The following PACS2 variants were observed in gnomAD, a reference collection of about 807,000 sequenced individuals.
The protein encoded by PACS2 is PACS1-like protein.
Under a neutral mutation model 113.0 loss-of-function variants are expected in PACS2, and 36 were observed. That is an observed-to-expected ratio of 0.32 (90% CI 0.24 to 0.42). The LOEUF (loss-of-function observed/expected upper bound fraction) is 0.42. Among genes scored for constraint, PACS2 ranks in the 10% least tolerant of loss-of-function variants. The pLI, the probability that PACS2 is intolerant of heterozygous loss-of-function variation, is 1.00. For missense variants in PACS2, 1,015 were observed against 1,239.5 expected (o/e 0.82, Z 2.72); for synonymous variants, 589 against 536.1 (o/e 1.10, Z -1.36).
intron 24 of PACS2, chr14:105,393,559 C>A: frequency 2.2e-6 from 1 of 460,776 alleles, no homozygotes; most frequent in Non-Finnish European, 3.8e-6. Context: ...AAAATAATGA[C>A]TTGTTTCGTT....
chr14:105,365,958 T>G lies in PACS2; in HGVS notation c.424-1255T>G, dbSNP rs1273512810. On this transcript the variant is annotated intron_variant, in intron 4 of 24. Coordinates refer to ENST00000447393, the MANE Select transcript of PACS2 (RefSeq NM_001100913.3). This position sits in a 1 kb window ranked among gnomAD's most constrained non-coding sequence, Gnocchi z 5.1. Reference sequence around the variant, plus strand: ...AAGCTGCCAGCTGCCCTTCGTCATTTTCTGAAATGAAGATGAGGGCAAATG... The same window carrying G: ...AAGCTGCCAGCTGCCCTTCGTCATTGTCTGAAATGAAGATGAGGGCAAATG... 2.0e-5 allele frequency among the ~76,000 whole-genome samples: 3 copies of G among 152,230 alleles called. No individual in the cohort carries two copies. Among genetic ancestry groups the G allele is most frequent in the African/African-American group, 4.8e-5 (2 of 41,450 alleles).
chr14:105,313,892 C>A (rs1319628745), upstream of PACS2, among the ~76,000 whole-genome samples: 1 of 152,254 alleles, frequency 6.6e-6, no homozygotes, highest in Non-Finnish European at 1.5e-5. Flanking sequence ...CGGGCCCCAG[C>A]GGCTCTAGCC....
At chr14:105,328,563 A>T (rs1038021730) in intron 1 of PACS2, among the ~76,000 whole-genome samples, 1 of 152,186 alleles carries the variant, frequency 6.6e-6, no homozygotes, top group African/African-American at 2.4e-5. Flanking sequence ...CCATCCTTGA[A>T]GCTGGAATAT....
At position 105,364,320 on chromosome 14, in the gene PACS2, CGGTGGGCGGCGGCCCGGGGGTGT is replaced by C. The variant is rs1221343129; in HGVS notation, c.424-2883_424-2861del. 6.6e-4 allele frequency among the ~76,000 whole-genome samples: 70 copies of C among 106,858 alleles called. 1 individual carries two copies. In the East Asian group the frequency reaches 0.011, roughly 16 times the overall value. 70.1% of individuals were successfully genotyped at this position (106,858 alleles called of 152,430 possible). A position where few individuals can be genotyped will look rare whatever the true frequency, so the allele number is the denominator to read the frequency against. On this transcript the variant is annotated intron_variant, in intron 4 of 24. Coordinates refer to ENST00000447393, the MANE Select transcript of PACS2 (RefSeq NM_001100913.3). ...GGGTGTGGTGGGCGTCCCGGGTGCG[CGGTGGGCGGCGGCCCGGGGGTGT>C]GGTGGGCGGTGTCCCGGGTGCACGG...
At chr14:105,341,751 C>T (rs782463378) in intron 1 of PACS2, among the ~76,000 whole-genome samples, 20 of 152,194 alleles carry the variant, frequency 1.3e-4, no homozygotes, top group Admixed American at 7.9e-4. Flanking sequence ...GTTGCCCAGG[C>T]TGGAGCTTTT....
Position 105,315,114 on chromosome 14 carries a change from A to T in PACS2, c.119+77A>T, listed in dbSNP as rs2058513397. The stretch of plus-strand genomic sequence containing the variant: ...CCTGGCCGCGGCCTCTGCGCGCCCC[A>T]TCCCCGGCCCGGGTCCCCCAGCGGA... On this transcript the variant is annotated intron_variant, in intron 1 of 24. Transcript: ENST00000447393. The surrounding 1 kb of genome is among the most constrained non-coding windows in gnomAD (Gnocchi z 4.4). 7.7e-6 allele frequency: 7 copies of T among 904,376 alleles called. No individual in the cohort carries two copies. Among genetic ancestry groups the T allele is most frequent in the Admixed American group, 1.2e-4 (2 of 16,868 alleles). The allele number at this position is 904,376 out of a possible 1,614,324, so 56.0% of individuals were successfully genotyped here.
intron 18 of PACS2, among the ~76,000 whole-genome samples, chr14:105,385,345 G>A (rs1031390126): frequency 3.9e-5 from 6 of 152,230 alleles, no homozygotes; most frequent in Admixed American, 6.5e-5. Flanking sequence ...GCTGGGGAAC[G>A]AAGGATTCCC....
At chr14:105,331,901 GTTC>G (rs2059317217) in intron 1 of PACS2, among the ~76,000 whole-genome samples, 1 of 152,210 alleles carries the variant, frequency 6.6e-6, no homozygotes, top group Admixed American at 6.5e-5. Flanking sequence ...TGATCACAGA[GTTC>G]TTCTAGGTTG....
rs587594979 is a variant in PACS2, at chr14:105,349,542, G to T, written c.207+962G>T. Among the ~76,000 whole-genome samples the T allele has an allele frequency of 8.5e-5, 13 of 152,378 alleles. No individual in the cohort carries two copies. The East Asian group carries it at 2.3e-3, about 27-fold the overall frequency. ...GGTCTCCGGGTCTCCCCGACCTGCA[G>T]AGTAGCACCTGAGCCTCGGCCAGTG... On this transcript the variant is annotated intron_variant, in intron 2 of 24. Coordinates refer to ENST00000447393, the MANE Select transcript of PACS2 (RefSeq NM_001100913.3).
chr14:105,337,320 T>G (rs1282199770), intron 1 of PACS2, among the ~76,000 whole-genome samples: 2 of 152,096 alleles, frequency 1.3e-5, no homozygotes, highest in African/African-American at 2.4e-5. Context: ...ATGGGTAGTT[T>G]CAGTTGCGCA....
chr14:105,342,355 A>G (rs962519553), intron 1 of PACS2, among the ~76,000 whole-genome samples: 3 of 151,114 alleles, frequency 2.0e-5, no homozygotes, highest in South Asian at 2.1e-4. Flanking sequence ...GCAGCCTCCA[A>G]CTCCTGGGCT....
intron 9 of PACS2, among the ~76,000 whole-genome samples, chr14:105,378,609 A>ATG (rs1267650495): frequency 6.6e-6 from 1 of 152,172 alleles, no homozygotes; most frequent in Non-Finnish European, 1.5e-5. Flanking sequence ...GGGTCTCCCT[A>ATG]TGTTTCCCAG....
chr14:105,392,946 C>T (rs781810233), intron 23 of PACS2, 101 bp downstream of exon 23: 243 of 936,596 alleles, frequency 2.6e-4, no homozygotes, highest in Non-Finnish European at 3.7e-4. Context: ...GGGCTGGCCT[C>T]GGGCAGCCCA....
intron 2 of PACS2, among the ~76,000 whole-genome samples, chr14:105,351,699 T>A (rs1207868437): frequency 6.6e-6 from 1 of 152,078 alleles, no homozygotes; most frequent in Non-Finnish European, 1.5e-5. Flanking sequence ...TTATTGTATA[T>A]TTTTTTGTGG....
chr14:105,384,051 G>T (rs2081087673), intron 16 of PACS2: 1 of 398,322 alleles, frequency 2.5e-6, no homozygotes, highest in Admixed American at 4.3e-5. Flanking sequence ...CCCTCACGAT[G>T]CCGACGTCAG....
chr14:105,323,810 G>A lies in PACS2; in HGVS notation c.119+8773G>A, dbSNP rs587633162. Among the ~76,000 whole-genome samples, 1 of 152,336 alleles carries A rather than the reference G, an allele frequency of 6.6e-6. No homozygotes were observed. Among genetic ancestry groups the A allele is most frequent in the African/African-American group, 2.4e-5 (1 of 41,580 alleles). On this transcript the variant is annotated intron_variant, in intron 1 of 24. Coordinates refer to ENST00000447393, the MANE Select transcript of PACS2 (RefSeq NM_001100913.3). The surrounding 1 kb of genome is among the most constrained non-coding windows in gnomAD (Gnocchi z 4.1). The stretch of plus-strand genomic sequence containing the variant: ...AGCTGACCTGGGCAGCCAGTGGCCT[G>A]TAGGCTGGGCAGCACTCGAGCTGGG...
intron 9 of PACS2, 49 bp from the exon 10 acceptor site, chr14:105,379,690 G>A (rs2080910982): frequency 6.7e-7 from 1 of 1,481,884 alleles, no homozygotes; most frequent in Admixed American, 1.7e-5. Context: ...TTCAGTGCAA[G>A]AAGGGTCCTG....
At position 105,352,301 on chromosome 14, in the gene PACS2, A is replaced by G. The variant is rs1011328247; in HGVS notation, c.208-77A>G. 1.5e-5 allele frequency: 14 copies of G among 906,244 alleles called. No individual in the cohort carries two copies. The Admixed American group carries it at 2.1e-4, about 13-fold the overall frequency. The allele number at this position is 906,244 out of a possible 1,614,324, so 56.1% of individuals were successfully genotyped here. ...TGCAATCCTGCCAGTTTTAGAGTGC[A>G]GGAGTCACGGTGTCTTTGCCTGGTT... is the stretch of plus-strand genomic sequence containing the variant. On this transcript the variant is annotated intron_variant, in intron 2 of 24. Transcript: ENST00000447393.
chr14:105,322,138 A>G (rs587767940), intron 1 of PACS2, among the ~76,000 whole-genome samples: 1 of 151,738 alleles, frequency 6.6e-6, no homozygotes, highest in East Asian at 2.0e-4. Context: ...GGGTTTCACC[A>G]TGTTGGCCAG....
Sources: gnomAD v4.1 joint callset for allele counts (sites outside exome capture counted in the v4.1 genomes callset) on GRCh38, gnomAD v4.1.1 for gene constraint, Gnocchi (gnomAD v3.1) non-coding constraint, MANE v1.5 for transcripts, NCBI Gene and HGNC (gene_info 2026-07-23, HGNC 2026-07-21) for gene names.